LGSN: variants seen among roughly 807,000 people sequenced by gnomAD.
LGSN encodes lengsin.
Under a neutral mutation model 19.5 loss-of-function variants are expected in LGSN, and 21 were observed. The ratio of observed to expected loss-of-function variants is 1.07; its 90% confidence interval spans 0.76 to 1.55. The LOEUF is 1.55. Ranked by LOEUF, LGSN falls within the 40% of genes most tolerant of loss-of-function variation. The pLI, the probability that LGSN is intolerant of heterozygous loss-of-function variation, is 0.00. For synonymous variants in LGSN, 257 were observed against 215.6 expected, an observed-to-expected ratio of 1.19 and a Z score of -1.68; for missense variants, 673 against 608.5, an observed-to-expected ratio of 1.11 and a Z score of -1.12.
At chr6:63,453,123 T>C in the LGSN span, among the ~76,000 whole-genome samples, 4 of 152,202 alleles carry the variant, frequency 2.6e-5, no homozygotes, top group Admixed American at 2.6e-4. Flanking sequence ...AATTAATTTC[T>C]ATTTCTATTT....
At chr6:63,497,635 G>A in the LGSN span, among the ~76,000 whole-genome samples, 1 of 151,824 alleles carries the variant, frequency 6.6e-6, no homozygotes, top group Non-Finnish European at 1.5e-5. Flanking sequence ...AGGCATAGAG[G>A]GAAAATAAGC....
intron 1 of LGSN, among the ~76,000 whole-genome samples, chr6:63,295,804 ACC>A (rs1265288236): frequency 5.9e-5 from 9 of 152,148 alleles, no homozygotes; most frequent in Non-Finnish European, 1.0e-4. Context: ...GCACAGAGTC[ACC>A]CCTGCAGTCC....
the LGSN span, among the ~76,000 whole-genome samples, chr6:63,513,896 G>A: frequency 1.6e-5 from 2 of 124,902 alleles, no homozygotes; most frequent in African/African-American, 3.1e-5. Flanking sequence ...GGGCAACAGA[G>A]CGAGACTTCA....
At chr6:63,283,113 C>A (rs776012545) in intron 3 of LGSN, among the ~76,000 whole-genome samples, 1 of 152,010 alleles carries the variant, frequency 6.6e-6, no homozygotes, top group Non-Finnish European at 1.5e-5. Context: ...ACACTTTATT[C>A]TTTTGATTAT....
the LGSN span, among the ~76,000 whole-genome samples, chr6:63,497,644 G>C: frequency 6.6e-6 from 1 of 151,974 alleles, no homozygotes; most frequent in Non-Finnish European, 1.5e-5. Context: ...GGGAAAATAA[G>C]CAGTTGCGCT....
the LGSN span, among the ~76,000 whole-genome samples, chr6:63,359,527 T>C: frequency 6.6e-6 from 1 of 152,228 alleles, no homozygotes; most frequent in Admixed American, 6.5e-5. Flanking sequence ...TATCGGTCTA[T>C]TCAGAGATTC....
At chr6:63,319,798 A>T in intron 1 of LGSN, 116 bp downstream of exon 1, 2 of 737,268 alleles carry the variant, frequency 2.7e-6, no homozygotes, top group East Asian at 5.3e-5. Flanking sequence ...GAGTGGACAT[A>T]TAACAAGTAT....
At chr6:63,456,286 G>T in the LGSN span, among the ~76,000 whole-genome samples, 1 of 143,692 alleles carries the variant, frequency 7.0e-6, no homozygotes, top group Non-Finnish European at 1.5e-5. Context: ...GCTAATTGGA[G>T]CATATCTTCA....
chr6:63,498,991 A>G, the LGSN span, among the ~76,000 whole-genome samples: 3 of 152,228 alleles, frequency 2.0e-5, no homozygotes, highest in Non-Finnish European at 2.9e-5. Flanking sequence ...AAAACTCTAC[A>G]TTAAATTATC....
chr6:63,336,543 G>GTATATA, the LGSN span, among the ~76,000 whole-genome samples: 3 of 140,526 alleles, frequency 2.1e-5, no homozygotes, highest in Admixed American at 2.2e-4. Flanking sequence ...GTGTGTGTGT[G>GTATATA]TGTGTGTGTG....
At chr6:63,316,851 T>C (rs191811798) in intron 1 of LGSN, among the ~76,000 whole-genome samples, 692 of 152,186 alleles carry the variant, frequency 4.5e-3, no homozygotes, top group Middle Eastern at 0.01. Context: ...CGTGAAGATA[T>C]CAGCTAATGG....
chr6:63,535,278 A>G, the LGSN span, among the ~76,000 whole-genome samples: 1 of 152,144 alleles, frequency 6.6e-6, no homozygotes, highest in African/African-American at 2.4e-5. Flanking sequence ...TAGCCTGGCC[A>G]ACATGGTGAA....
At chr6:63,463,872 C>T in the LGSN span, among the ~76,000 whole-genome samples, 13 of 152,036 alleles carry the variant, frequency 8.6e-5, 1 homozygote, top group South Asian at 2.1e-4. Context: ...ATTTTGCAGA[C>T]GAGAAAACTT....
At chr6:63,559,516 G>A in the LGSN span, among the ~76,000 whole-genome samples, 2 of 152,164 alleles carry the variant, frequency 1.3e-5, no homozygotes, top group African/African-American at 4.8e-5. Flanking sequence ...GGAGGCCGAG[G>A]TGGGCGGATC....
the LGSN span, among the ~76,000 whole-genome samples, chr6:63,426,863 A>T: frequency 6.6e-6 from 1 of 152,046 alleles, no homozygotes; most frequent in African/African-American, 2.4e-5. Flanking sequence ...TCAAGAACAA[A>T]CTATTTTCTT....
At chr6:63,479,175 T>C in the LGSN span, among the ~76,000 whole-genome samples, 1 of 152,172 alleles carries the variant, frequency 6.6e-6, no homozygotes, top group African/African-American at 2.4e-5. Context: ...CTTACTGAGA[T>C]TGGCTTTGGT....
chr6:63,550,657 C>T, the LGSN span, among the ~76,000 whole-genome samples: 2 of 152,124 alleles, frequency 1.3e-5, no homozygotes, highest in African/African-American at 4.8e-5. Flanking sequence ...CAGGGTCTCC[C>T]TCTGTTGCCC....
chr6:63,374,127 G>C, the LGSN span, among the ~76,000 whole-genome samples: 4 of 151,712 alleles, frequency 2.6e-5, no homozygotes, highest in African/African-American at 9.7e-5. Flanking sequence ...AGGTGTAAAG[G>C]GCATTGTGTC....
the LGSN span, among the ~76,000 whole-genome samples, chr6:63,539,538 G>A: frequency 6.6e-6 from 1 of 152,176 alleles, no homozygotes; most frequent in African/African-American, 2.4e-5. Flanking sequence ...AGCACTTTGG[G>A]AGGCTGAGGC....
Sources: allele counts gnomAD v4.1 joint callset (sites outside exome capture counted in the v4.1 genomes callset), GRCh38; gene constraint gnomAD v4.1.1; transcripts MANE v1.5; gene names NCBI Gene and HGNC (gene_info 2026-07-23, HGNC 2026-07-21).